FAM117B: variants seen among roughly 807,000 people sequenced by gnomAD.
FAM117B encodes protein FAM117B.
FAM117B carries 22 observed loss-of-function variants against 52.8 expected under a neutral mutation model. That is an observed-to-expected ratio of 0.42 (90% confidence interval 0.30 to 0.59). The LOEUF (loss-of-function observed/expected upper bound fraction) is 0.59. FAM117B is among the 20% of genes least tolerant of loss of function. The probability of loss-of-function intolerance (pLI) is 0.22; values close to 1 mark genes in which losing one functional copy is unlikely to be tolerated. For missense variants in FAM117B, 678 were observed against 802.6 expected, an observed-to-expected ratio of 0.84 and a Z score of 1.88; for synonymous variants, 309 against 324.1, an observed-to-expected ratio of 0.95 and a Z score of 0.50.
At chr2:202,668,751 T>C (rs1272878383) in intron 1 of FAM117B, among the ~76,000 whole-genome samples, 2 of 152,138 alleles carry the variant, frequency 1.3e-5, no homozygotes, top group East Asian at 3.9e-4. Flanking sequence ...AAAGTAATAT[T>C]TGAATGCATG....
At chr2:202,747,605 T>A (rs1469671137) in intron 4 of FAM117B, among the ~76,000 whole-genome samples, 2 of 152,088 alleles carry the variant, frequency 1.3e-5, no homozygotes, top group African/African-American at 4.8e-5. Context: ...TTTACTAAAG[T>A]CGCTGGATAC....
At position 202,644,084 on chromosome 2, in the gene FAM117B, T is replaced by C. The variant is rs918586777; in HGVS notation, c.601+8296T>C. ...TTTTTGTTTTTTTTTTTTTTTTTTT[T>C]CAGTTTTATGTATTATGTAGTGACT... On this transcript the variant is annotated intron_variant, in intron 1 of 7. Transcript: ENST00000392238. Among the ~76,000 whole-genome samples, 5 of 121,858 alleles carry C rather than the reference T, an allele frequency of 4.1e-5. No individual in the cohort carries two copies. The East Asian group carries it at 6.3e-4, about 15-fold the overall frequency. 79.9% of individuals were successfully genotyped at this position (121,858 alleles called of 152,430 possible).
intron 4 of FAM117B, among the ~76,000 whole-genome samples, chr2:202,732,671 A>T (rs894885299): frequency 6.6e-6 from 1 of 151,952 alleles, no homozygotes; most frequent in African/African-American, 2.4e-5. Context: ...ATACCAAAAA[A>T]TTAGCTGGGC....
chr2:202,682,480 T>A (rs1350748865), intron 1 of FAM117B, among the ~76,000 whole-genome samples: 2 of 151,988 alleles, frequency 1.3e-5, no homozygotes, highest in African/African-American at 4.8e-5. Context: ...AGGGGTGGAG[T>A]AACAAGTGAG....
At chr2:202,756,861 T>C (rs536125227) in intron 5 of FAM117B, among the ~76,000 whole-genome samples, 1 of 152,298 alleles carries the variant, frequency 6.6e-6, no homozygotes, top group African/African-American at 2.4e-5. Flanking sequence ...ATAACCTTTT[T>C]CCTCTAATGT....
rs115599702 is a variant in FAM117B at position 202,690,796 on chromosome 2, A to T, written c.602-5085A>T. Among the ~76,000 whole-genome samples, 1,170 of 152,288 alleles carry T rather than the reference A, an allele frequency of 7.7e-3. 10 individuals are homozygous for T. Among genetic ancestry groups the T allele is most frequent in the South Asian group, 0.034 (164 of 4,818 alleles). ...TCAGTTTCTTACCGTGGATTTCCTT[A>T]TAAATACAGCCTTAGTTCACTTAGT... On this transcript the variant is annotated intron_variant, in intron 1 of 7. Transcript: ENST00000392238.
At chr2:202,742,507 C>T (rs767805208) in intron 4 of FAM117B, among the ~76,000 whole-genome samples, 20 of 152,034 alleles carry the variant, frequency 1.3e-4, no homozygotes, top group Non-Finnish European at 2.5e-4. Flanking sequence ...AGAATGAGAC[C>T]ACACCATATA....
intron 6 of FAM117B, 102 bp downstream of exon 6, chr2:202,757,540 C>T: frequency 1.6e-6 from 2 of 1,231,948 alleles, no homozygotes; most frequent in Non-Finnish European, 2.3e-6. Context: ...CTCGAGGCTA[C>T]TCAGTTAATG....
intron 1 of FAM117B, among the ~76,000 whole-genome samples, chr2:202,666,668 C>CTTTTTTTTTT (rs1157457357): frequency 2.4e-5 from 3 of 125,788 alleles, no homozygotes; most frequent in Non-Finnish European, 3.4e-5. Flanking sequence ...CGTTTCATTT[C>CTTTTTTTTTT]TTTTTTTTTT....
chr2:202,674,889 T>C (rs1294715002), intron 1 of FAM117B, among the ~76,000 whole-genome samples: 1 of 152,176 alleles, frequency 6.6e-6, no homozygotes, highest in Admixed American at 6.5e-5. Flanking sequence ...GCCATTTTGC[T>C]TTTGTTTTTG....
At chr2:202,730,834 C>T (rs997496738) in intron 4 of FAM117B, among the ~76,000 whole-genome samples, 4 of 152,082 alleles carry the variant, frequency 2.6e-5, no homozygotes, top group East Asian at 1.9e-4. Context: ...TGTGACATTG[C>T]GTTAGGCAAT....
At chr2:202,692,496 C>T (rs1025132887) in intron 1 of FAM117B, among the ~76,000 whole-genome samples, 2 of 152,098 alleles carry the variant, frequency 1.3e-5, no homozygotes, top group Non-Finnish European at 2.9e-5. Context: ...TGCAATTTTT[C>T]ACAAATTTTT....
chr2:202,769,518 CTTGT>C lies in FAM117B; in HGVS notation c.*3757_*3760del, dbSNP rs1167057938. On this transcript the variant is annotated 3_prime_UTR_variant, in exon 8 of 8. Transcript: ENST00000392238. ...CTGAACAGCATTTTGTTTATACAGTCTTGTTTAAGAATAGAATTTTTTTAACTCT... is the reference window on the plus strand; with the variant it reads ...CTGAACAGCATTTTGTTTATACAGTCTTAAGAATAGAATTTTTTTAACTCT... 6.6e-6 allele frequency: 1 copy of C among 152,272 alleles called. No homozygotes were observed. Among genetic ancestry groups the C allele is most frequent in the South Asian group, 2.1e-4 (1 of 4,776 alleles). 9.4% of individuals were successfully genotyped at this position (152,272 alleles called of 1,614,324 possible).
At chr2:202,708,719 C>T (rs1164876460) in intron 2 of FAM117B, among the ~76,000 whole-genome samples, 1 of 152,166 alleles carries the variant, frequency 6.6e-6, no homozygotes, top group African/African-American at 2.4e-5. Flanking sequence ...GATCCTCCTG[C>T]CTCAGCCTCC....
intron 1 of FAM117B, among the ~76,000 whole-genome samples, chr2:202,670,288 C>CTTTTTTTTTTTTTTTTTT: frequency 7.0e-6 from 1 of 142,838 alleles, no homozygotes; most frequent in African/African-American, 2.8e-5. Flanking sequence ...TCTTTTCTTT[C>CTTTTTTTTTTTTTTTTTT]TTTTTTTTTT....
chr2:202,701,087 AG>A (rs1223340134), intron 2 of FAM117B, among the ~76,000 whole-genome samples: 1 of 152,226 alleles, frequency 6.6e-6, no homozygotes, highest in Non-Finnish European at 1.5e-5. Context: ...CCTGACTTTA[AG>A]GAACAGGCCA....
At chr2:202,673,097 A>G (rs983622271) in intron 1 of FAM117B, among the ~76,000 whole-genome samples, 1 of 152,212 alleles carries the variant, frequency 6.6e-6, no homozygotes, top group Non-Finnish European at 1.5e-5. Context: ...ATGAGACTTT[A>G]GTTCTGTTCA....
chr2:202,675,984 CAAA>C (rs778502048), intron 1 of FAM117B, among the ~76,000 whole-genome samples: 6 of 56,746 alleles, frequency 1.1e-4, no homozygotes, highest in Non-Finnish European at 1.2e-4. Flanking sequence ...GACACAGTCT[CAAA>C]AAAAAAAAAA....
chr2:202,654,587 C>T (rs986114818), intron 1 of FAM117B, among the ~76,000 whole-genome samples: 5 of 151,092 alleles, frequency 3.3e-5, no homozygotes, highest in African/African-American at 7.3e-5. Flanking sequence ...TCTTCTGTAT[C>T]GATTAATAGT....
Sources: allele counts gnomAD v4.1 joint callset (sites outside exome capture counted in the v4.1 genomes callset), GRCh38; gene constraint gnomAD v4.1.1; transcripts MANE v1.5; gene names NCBI Gene and HGNC (gene_info 2026-07-23, HGNC 2026-07-21).